The following RBBP7 variants were observed in gnomAD, a reference collection of about 807,000 sequenced individuals.
RBBP7 encodes RB binding protein 7, chromatin remodeling factor.
Under a neutral mutation model 35.2 loss-of-function variants are expected in RBBP7, and 5 were observed. That is an observed-to-expected ratio of 0.14 (90% CI 0.07 to 0.30). The LOEUF is 0.30. RBBP7 is among the 10% of genes least tolerant of loss of function. RBBP7 has a pLI of 1.00. For missense variants in RBBP7, 155 were observed against 327.5 expected, an observed-to-expected ratio of 0.47 and a Z score of 4.07; for synonymous variants, 140 against 118.7, an observed-to-expected ratio of 1.18 and a Z score of -1.17.
At chrX:16,847,966 T>C (rs1423345105) in intron 10 of RBBP7, 1 of 111,956 alleles carries the variant, frequency 8.9e-6, no homozygotes, top group Non-Finnish European at 1.9e-5. Context: ...TGCAGAGGCA[T>C]AATATACAAA....
At chrX:16,862,203 T>C (rs554678841) in intron 3 of RBBP7, among the ~76,000 whole-genome samples, 3 of 112,339 alleles carry the variant, frequency 2.7e-5, no homozygotes, top group Middle Eastern at 4.6e-3. Flanking sequence ...TACATCTTTT[T>C]CCTGCTGCTT....
intron 3 of RBBP7, among the ~76,000 whole-genome samples, chrX:16,860,782 C>A (rs1930456614): frequency 9.0e-6 from 1 of 110,857 alleles, no homozygotes. Flanking sequence ...GGATGTGTAA[C>A]TTTAATAATA....
At chrX:16,853,575 T>A (rs1047036374) in intron 6 of RBBP7, 107 bp downstream of exon 6, 13 of 795,525 alleles carry the variant, frequency 1.6e-5, no homozygotes, top group Non-Finnish European at 2.2e-5. Context: ...AAGCTGTTTT[T>A]TAAAGCCATA....
rs1602412956 is a variant in RBBP7, at chrX:16,846,086, T to C, written c.1099-148A>G. ...AGGTGGTACAGGCTCAGTAATCTAT[T>C]TATACTTATTTTGCAAATTTCCAAA... On this transcript the variant is annotated intron_variant, in intron 10 of 11. Coordinates refer to ENST00000380087, the MANE Select transcript of RBBP7 (RefSeq NM_002893.4). 6 of 987,110 alleles carry C rather than the reference T, an allele frequency of 6.1e-6. No homozygotes were observed. In the East Asian group the frequency reaches 1.8e-4, roughly 29 times the overall value. The allele number at this position is 987,110 out of a possible 1,213,427, so 81.3% of individuals were successfully genotyped here.
chrX:16,869,515 T>C (rs1930715864), intron 1 of RBBP7: 2 of 1,167,193 alleles, frequency 1.7e-6, no homozygotes, highest in South Asian at 3.8e-5. Flanking sequence ...TGACGACCTG[T>C]ACGTACAGGG....
chrX:16,861,523 T>C (rs139299569), intron 3 of RBBP7, among the ~76,000 whole-genome samples: 3,844 of 111,250 alleles, frequency 0.035, 87 homozygotes, highest in Middle Eastern at 0.065. Context: ...TTTAATTTTA[T>C]TTTTTGATAG....
chrX:16,849,623 T>C (rs1029316921), intron 9 of RBBP7, among the ~76,000 whole-genome samples: 1 of 112,105 alleles, frequency 8.9e-6, no homozygotes, highest in South Asian at 3.7e-4. Context: ...AAGGACGGGA[T>C]GTTTACTTTC....
chrX:16,856,718 T>C (rs1930363115), intron 5 of RBBP7, among the ~76,000 whole-genome samples: 1 of 111,901 alleles, frequency 8.9e-6, no homozygotes, highest in African/African-American at 3.2e-5. Context: ...TGTGGAAATG[T>C]AAAATGGAAA....
At chrX:16,858,018 C>T (rs1930388448) in intron 4 of RBBP7, among the ~76,000 whole-genome samples, 1 of 111,513 alleles carries the variant, frequency 9.0e-6, no homozygotes, top group Non-Finnish European at 1.9e-5. Flanking sequence ...GTTGCTCAGT[C>T]CTTGCATGCC....
At chrX:16,852,670 C>T (rs1930238686) in intron 7 of RBBP7, 42 bp from the exon 8 acceptor site, 11 of 1,207,011 alleles carry the variant, frequency 9.1e-6, no homozygotes, top group South Asian at 1.8e-5. Context: ...TATGCTTTAC[C>T]TAAGAATTTT....
rs769208974 is a variant in RBBP7, at chrX:16,849,351, C to T, written c.1041-50G>A. The T allele has an allele frequency of 9.4e-6, 10 of 1,060,252 alleles. No homozygotes were observed. In the East Asian group the frequency reaches 1.2e-4, roughly 13 times the overall value. 87.4% of individuals were successfully genotyped at this position (1,060,252 alleles called of 1,213,427 possible). ...TTTCATCAGTGAAATTCTTGTAGCA[C>T]GAACATCTGCTAAACCAGTATCAGC... On this transcript the variant is annotated intron_variant, in intron 9 of 11. Transcript: ENST00000380087.
intron 10 of RBBP7, chrX:16,848,522 GAATA>G (rs1310128177): frequency 1.8e-5 from 2 of 111,901 alleles, no homozygotes; most frequent in Non-Finnish European, 3.8e-5. Flanking sequence ...CAGAAAAAAT[GAATA>G]AATAAAACTC....
At chrX:16,846,149 C>T in intron 10 of RBBP7, 1 of 439,913 alleles carries the variant, frequency 2.3e-6, no homozygotes, top group Admixed American at 5.5e-5. Flanking sequence ...ACAATGGATA[C>T]CTGTATACCC....
chrX:16,850,043 T>C (rs5924561), intron 9 of RBBP7, among the ~76,000 whole-genome samples: 55,996 of 110,674 alleles, frequency 0.51, 10,741 homozygotes, highest in East Asian at 0.85. Context: ...TAGTAACAAC[T>C]ACTAAAAAAC....
In RBBP7 at chrX:16,870,352, C is replaced by T. The variant is rs777925751; in HGVS notation, c.-299G>A. On this transcript the variant is annotated 5_prime_UTR_variant, in exon 1 of 12. Transcript: ENST00000380087. Reference sequence around the variant, plus strand: ...GCAGCTGAGCGCAGGCGCATCCGCCCTGGGAAAAGTGAGAGGAGGCGGAGA... The same window carrying T: ...GCAGCTGAGCGCAGGCGCATCCGCCTTGGGAAAAGTGAGAGGAGGCGGAGA... 3 of 159,378 alleles carry T rather than the reference C, an allele frequency of 1.9e-5. No individual in the cohort carries two copies. Among genetic ancestry groups the T allele is most frequent in the South Asian group, 2.9e-4 (1 of 3,471 alleles). The allele number at this position is 159,378 out of a possible 1,213,427, so 13.1% of individuals were successfully genotyped here. A position where few individuals can be genotyped will look rare whatever the true frequency, so the allele number is the denominator to read the frequency against.
chrX:16,868,978 T>C, intron 2 of RBBP7, 98 bp downstream of exon 2: 1 of 936,138 alleles, frequency 1.1e-6, no homozygotes, highest in Non-Finnish European at 1.5e-6. Context: ...ATGCAAGGGC[T>C]GATTACATAC....
chrX:16,857,221 C>T (rs942301281), intron 5 of RBBP7, among the ~76,000 whole-genome samples: 2 of 111,885 alleles, frequency 1.8e-5, no homozygotes, highest in African/African-American at 6.5e-5. Flanking sequence ...GAATTAGTGG[C>T]AATAGTTGTG....
At chrX:16,857,294 A>G (rs1361704550) in intron 5 of RBBP7, among the ~76,000 whole-genome samples, 3 of 111,987 alleles carry the variant, frequency 2.7e-5, no homozygotes, top group African/African-American at 9.7e-5. Flanking sequence ...TATATTAATC[A>G]GGTCCCACAA....
Position 16,856,116 on chromosome X carries a change from G to A in RBBP7, c.597+1478C>T, listed in dbSNP as rs781365012. ...AACTCTTATAACTTGACAATAAAAA[G>A]ACAAAATTAAAATATGGACAAAGAA... is the stretch of plus-strand genomic sequence containing the variant. On this transcript the variant is annotated intron_variant, in intron 5 of 11. Coordinates refer to ENST00000380087, the MANE Select transcript of RBBP7 (RefSeq NM_002893.4). 2.9e-5 allele frequency among the ~76,000 whole-genome samples: 3 copies of A among 102,079 alleles called. No individual in the cohort carries two copies. The South Asian group carries it at 1.3e-3, about 45-fold the overall frequency. The allele number at this position is 102,079 out of a possible 115,157, so 88.6% of individuals were successfully genotyped here.
Sources: allele counts gnomAD v4.1 joint callset (sites outside exome capture counted in the v4.1 genomes callset), GRCh38; gene constraint gnomAD v4.1.1; transcripts MANE v1.5; gene names NCBI Gene and HGNC (gene_info 2026-07-23, HGNC 2026-07-21).